ZZEF1: variants seen among roughly 807,000 people sequenced by gnomAD.
ZZEF1 encodes the protein zinc finger ZZ-type and EF-hand domain containing 1.
ZZEF1 carries 157 observed loss-of-function variants against 342.8 expected under a neutral mutation model. That is an observed-to-expected ratio of 0.46 (90% CI 0.40 to 0.52). The LOEUF (loss-of-function observed/expected upper bound fraction) is 0.52, where lower values mean the gene tolerates loss of function less well. ZZEF1 is among the 20% of genes least tolerant of loss of function. The probability of loss-of-function intolerance (pLI) is 0.00; values close to 1 mark genes in which losing one functional copy is unlikely to be tolerated. For synonymous variants in ZZEF1, 1,505 were observed against 1,429.1 expected (o/e 1.05, Z -1.20); for missense variants, 3,480 against 3,725.6 (o/e 0.93, Z 1.72).
At chr17:4,101,687 C>T (rs961147843) in intron 9 of ZZEF1, among the ~76,000 whole-genome samples, 3 of 152,108 alleles carry the variant, frequency 2.0e-5, no homozygotes, top group East Asian at 1.9e-4. Flanking sequence ...AAGGCAGTGG[C>T]GGGATCTCAG....
chr17:4,017,717 C>A lies in ZZEF1; in HGVS notation c.7655G>T (p.Arg2552Leu). 1 of 1,612,204 alleles carries A rather than the reference C, an allele frequency of 6.2e-7. No homozygotes were observed. The highest frequency in any genetic ancestry group is 8.5e-7 in the Non-Finnish European group (1 of 1,179,312). Residue 2552 changes from arginine (R) to leucine (L), a missense_variant, in exon 48 of 55, where the codon CGC becomes CTC. Physicochemically the swap from Arg to Leu is moderately radical, Grantham distance 102. Around this residue, in one of 5 missense-constraint regions of ZZEF1, gnomAD observed 1,269 missense variants for 1,342.4 expected, o/e 0.95. Transcript: ENST00000381638. This position sits in a 1 kb window ranked among gnomAD's most constrained non-coding sequence, Gnocchi z 5.1. ...CGATTCAGCAGTGGCTTGGTCACAG[C>A]GTGCAGGCCGGGACTGCAAACCCAA... ...IILPCLSRPA[R>L]CDQATAESNP...
At chr17:4,103,388 A>C (rs1212194333) in intron 8 of ZZEF1, among the ~76,000 whole-genome samples, 1 of 151,634 alleles carries the variant, frequency 6.6e-6, no homozygotes, top group Non-Finnish European at 1.5e-5. Flanking sequence ...AAAAAAAAAA[A>C]AATTTTTAAC....
At position 4,097,489 on chromosome 17, in the gene ZZEF1, A is replaced by G. The variant is rs1300148603; in HGVS notation, c.1673-789T>C. Among the ~76,000 whole-genome samples, 4 of 151,090 alleles carry G rather than the reference A, an allele frequency of 2.6e-5. No homozygotes were observed. The East Asian group carries it at 7.8e-4, about 29-fold the overall frequency. Reference sequence around the variant, plus strand: ...GGCTTTGAAATGGGAAAAAAAAAAAAAAAAAAAAAAAAGAATCACTGGGTG... The same window carrying G: ...GGCTTTGAAATGGGAAAAAAAAAAAGAAAAAAAAAAAAGAATCACTGGGTG... On this transcript the variant is annotated intron_variant, in intron 9 of 54. Coordinates refer to ENST00000381638, the MANE Select transcript of ZZEF1 (RefSeq NM_015113.4).
chr17:4,085,300 G>A (rs2057798144), intron 16 of ZZEF1, among the ~76,000 whole-genome samples: 1 of 152,132 alleles, frequency 6.6e-6, no homozygotes, highest in Admixed American at 6.6e-5. Flanking sequence ...CTAGGTGACA[G>A]GTACATTTGG....
chr17:4,079,235 C>T (rs1472989876), intron 18 of ZZEF1, among the ~76,000 whole-genome samples: 2 of 152,150 alleles, frequency 1.3e-5, no homozygotes, highest in African/African-American at 2.4e-5. Context: ...TCCTCACGTG[C>T]GGGGCAGAAT....
chr17:4,104,760 T>G lies in ZZEF1; in HGVS notation c.1446A>C (p.Ala482=). The change falls in exon 8 of 55, where the codon GCA becomes GCC. Residue 482 remains alanine, a synonymous_variant. Transcript: ENST00000381638. ...TCATGACTTTGGCAACACTTCCTCT[T>G]GCGAGAGCAAAAGCCAGAAGAGTCA... ...VELTLLAFAL[A]RGSVAKVMSS... is the part of the protein sequence containing the mutation. 1 of 1,614,146 alleles carries G rather than the reference T, an allele frequency of 6.2e-7. No homozygotes were observed. The highest frequency in any genetic ancestry group is 8.5e-7 in the Non-Finnish European group (1 of 1,180,002).
At chr17:4,137,032 C>T (rs921707133) in intron 1 of ZZEF1, among the ~76,000 whole-genome samples, 2 of 116,826 alleles carry the variant, frequency 1.7e-5, no homozygotes, top group Admixed American at 9.9e-5. Flanking sequence ...ACATGGGAAA[C>T]GGGACCATAA....
chr17:4,036,498 G>A (rs1022648334), intron 39 of ZZEF1, among the ~76,000 whole-genome samples: 6 of 152,086 alleles, frequency 3.9e-5, no homozygotes, highest in African/African-American at 1.4e-4. Flanking sequence ...ACTTTGGGAG[G>A]CCGAGGTGGG....
chr17:4,036,819 T>A (rs8076201), intron 39 of ZZEF1, among the ~76,000 whole-genome samples: 1,712 of 17,752 alleles, frequency 0.096, 12 homozygotes, highest in African/African-American at 0.21. Flanking sequence ...ACACACACAC[T>A]CTCTCTCTCT....
In ZZEF1 at chr17:4,022,738, T is replaced by G. The variant is rs1267600436; in HGVS notation, c.7183A>C (p.Ser2395Arg). Reference sequence around the variant, plus strand: ...AGGTCCCGGAGGAGCCACGTTTTACTAAAGCCAGTCCCTTTGCTGCACTTT... The same window carrying G: ...AGGTCCCGGAGGAGCCACGTTTTACGAAAGCCAGTCCCTTTGCTGCACTTT... ...VKKCSKGTGF[S>R]KTWLLRDLEI... The change falls in exon 44 of 55, where the codon AGT becomes CGT. Residue 2395 changes from serine (S) to arginine (R), a missense_variant. This residue lies in a region of ZZEF1 where 1,269 missense variants were observed against 1,342.4 expected (regional missense o/e 0.95). Transcript: ENST00000381638. The G allele has an allele frequency of 1.2e-6, 2 of 1,613,830 alleles. No individual in the cohort carries two copies. Among genetic ancestry groups the G allele is most frequent in the Non-Finnish European group, 1.7e-6 (2 of 1,179,986 alleles).
intron 6 of ZZEF1, among the ~76,000 whole-genome samples, chr17:4,109,270 C>T (rs2058258256): frequency 6.6e-6 from 1 of 152,158 alleles, no homozygotes; most frequent in African/African-American, 2.4e-5. Context: ...TAATAGACTG[C>T]ATCTGAAAGG....
intron 2 of ZZEF1, among the ~76,000 whole-genome samples, chr17:4,121,188 C>G (rs1238084065): frequency 6.6e-6 from 1 of 152,360 alleles, no homozygotes; most frequent in Non-Finnish European, 1.5e-5. Flanking sequence ...TACGAATTAT[C>G]TGTTGGTGGA....
At chr17:4,053,253 G>A (rs1403073565) in intron 34 of ZZEF1, among the ~76,000 whole-genome samples, 2 of 152,072 alleles carry the variant, frequency 1.3e-5, no homozygotes, top group Non-Finnish European at 1.5e-5. Context: ...TCCCACAGTC[G>A]GGGGCCCCAC....
At chr17:4,042,391 T>C in intron 39 of ZZEF1, 38 bp downstream of exon 39, 11 of 1,592,408 alleles carry the variant, frequency 6.9e-6, no homozygotes, top group African/African-American at 1.3e-5. Flanking sequence ...CTTCTATGCA[T>C]ACCACCACCC....
In ZZEF1 at chr17:4,109,943, G is replaced by T. The variant is rs185192771; in HGVS notation, c.1067-80C>A. On this transcript the variant is annotated intron_variant, in intron 5 of 54. Transcript: ENST00000381638. ...TGGGCTCCCAACTAAAAGCAAAATA[G>T]TAATAGACATTTTGAAAAGAAAATT... is the stretch of plus-strand genomic sequence containing the variant. 3.4e-5 allele frequency: 46 copies of T among 1,355,160 alleles called. No homozygotes were observed. The African/African-American group carries it at 4.9e-4, about 15-fold the overall frequency. The allele number at this position is 1,355,160 out of a possible 1,614,324, so 83.9% of individuals were successfully genotyped here. A position where few individuals can be genotyped will look rare whatever the true frequency, so the allele number is the denominator to read the frequency against.
At chr17:4,031,558 A>G (rs187567451) in intron 42 of ZZEF1, among the ~76,000 whole-genome samples, 257 of 152,312 alleles carry the variant, frequency 1.7e-3, no homozygotes, top group Admixed American at 4.2e-3. Context: ...AGACATTTAC[A>G]TACACGAAAA....
chr17:4,141,205 A>G (rs62072178), intron 1 of ZZEF1, among the ~76,000 whole-genome samples: 23,357 of 152,202 alleles, frequency 0.15, 1,975 homozygotes, highest in African/African-American at 0.22. Context: ...CACTGCGCCC[A>G]GCCATGACTA....
chr17:4,045,223 G>A (rs1001060166), intron 37 of ZZEF1, among the ~76,000 whole-genome samples: 1 of 152,130 alleles, frequency 6.6e-6, no homozygotes, highest in Non-Finnish European at 1.5e-5. Flanking sequence ...GTCAGAGCCT[G>A]CAGTCCCATA....
chr17:4,078,168 AAC>A (rs2145314473), intron 18 of ZZEF1, 126 bp from the exon 19 acceptor site: 1 of 933,058 alleles, frequency 1.1e-6, no homozygotes, highest in East Asian at 2.7e-5. Flanking sequence ...AAAGTCATGA[AAC>A]AGCTTTCAAC....
Sources: gnomAD v4.1 joint callset for allele counts (sites outside exome capture counted in the v4.1 genomes callset) on GRCh38, gnomAD v4.1.1 for gene constraint, gnomAD v4.1.1 regional missense constraint, Gnocchi (gnomAD v3.1) non-coding constraint, MANE v1.5 for transcripts, NCBI Gene and HGNC (gene_info 2026-07-23, HGNC 2026-07-21) for gene names.